The following CDH18 variants were observed in gnomAD, a reference collection of about 807,000 sequenced individuals.
CDH18 encodes cadherin 18, also known as cadherin-18.
A neutral mutation model predicts 67.9 loss-of-function variants in CDH18; 31 were observed. The ratio of observed to expected loss-of-function variants is 0.46; its 90% confidence interval spans 0.34 to 0.62. The LOEUF is 0.62. CDH18 is among the 20% of genes least tolerant of loss of function. The pLI is 0.01. For missense variants in CDH18, 890 were observed against 975.5 expected, an observed-to-expected ratio of 0.91 and a Z score of 1.17; for synonymous variants, 362 against 347.2, an observed-to-expected ratio of 1.04 and a Z score of -0.48.
intron 3 of CDH18, among the ~76,000 whole-genome samples, chr5:19,768,057 C>T (rs1032451182): frequency 1.3e-5 from 2 of 152,128 alleles, no homozygotes; most frequent in African/African-American, 4.8e-5. Context: ...AGCCTGGTAG[C>T]CACTGGAGGG....
At chr5:19,648,392 G>A (rs1016227859) in intron 5 of CDH18, among the ~76,000 whole-genome samples, 2 of 151,992 alleles carry the variant, frequency 1.3e-5, no homozygotes, top group African/African-American at 4.8e-5. Flanking sequence ...TCCAGCCTGG[G>A]CAACAGAGCA....
chr5:20,333,806 A>G lies in CDH18; in HGVS notation c.-579-78301T>C, dbSNP rs115777773. The stretch of plus-strand genomic sequence containing the variant: ...GCATTATCTTTTCTAGCCCAGCAGC[A>G]TCTTACTGGAGGCATCACTTTGTAA... On this transcript the variant is annotated intron_variant, in intron 1 of 14. Coordinates refer to the CDH18 transcript ENST00000507958. Among the ~76,000 whole-genome samples the G allele has an allele frequency of 7.3e-3, 1,116 of 152,244 alleles. 11 individuals carry two copies. The highest frequency in any genetic ancestry group is 0.025 in the African/African-American group (1,052 of 41,558).
intron 2 of CDH18, among the ~76,000 whole-genome samples, chr5:19,842,817 G>C (rs1055597039): frequency 1.3e-5 from 2 of 152,096 alleles, no homozygotes; most frequent in Non-Finnish European, 2.9e-5. Context: ...ATAATGATGT[G>C]GACAACGAAG....
At position 19,846,184 on chromosome 5, in the gene CDH18, A is replaced by AT. The variant is rs536167000; in HGVS notation, c.-256-6943dup. On this transcript the variant is annotated intron_variant, in intron 2 of 12. Transcript: ENST00000382275. ...TTATTCATGTGTCTTCCACAGTATCATTTTTTGTGCATACAATGGGACTTA... is the reference window on the plus strand; with the variant it reads ...TTATTCATGTGTCTTCCACAGTATCATTTTTTTGTGCATACAATGGGACTTA... Among the ~76,000 whole-genome samples, 260 of 151,842 alleles carry AT rather than the reference A, an allele frequency of 1.7e-3. 3 individuals are homozygous for AT. Among genetic ancestry groups the AT allele is most frequent in the African/African-American group, 5.2e-3 (215 of 41,444 alleles).
intron 1 of CDH18, among the ~76,000 whole-genome samples, chr5:20,275,606 C>T (rs1745750521): frequency 6.6e-6 from 1 of 152,090 alleles, no homozygotes; most frequent in Non-Finnish European, 1.5e-5. Context: ...GTTCTGAGTA[C>T]ATTAAGAATC....
At chr5:20,563,160 A>G (rs993899374) in intron 1 of CDH18, among the ~76,000 whole-genome samples, 2 of 152,036 alleles carry the variant, frequency 1.3e-5, no homozygotes, top group African/African-American at 4.8e-5. Flanking sequence ...TCTGCAACAA[A>G]TAATATATTT....
At chr5:19,528,657 G>C (rs1161449366) in intron 9 of CDH18, among the ~76,000 whole-genome samples, 2 of 151,850 alleles carry the variant, frequency 1.3e-5, no homozygotes, top group Non-Finnish European at 2.9e-5. Context: ...AACACACTGA[G>C]TTATTTATGA....
intron 1 of CDH18, among the ~76,000 whole-genome samples, chr5:20,364,101 T>C (rs758040839): frequency 5.3e-5 from 8 of 152,228 alleles, no homozygotes; most frequent in African/African-American, 9.6e-5. Flanking sequence ...GAGATGCTTT[T>C]ATTATCGTTA....
chr5:20,419,538 A>C (rs1256829008), intron 1 of CDH18, among the ~76,000 whole-genome samples: 3 of 136,640 alleles, frequency 2.2e-5, no homozygotes, highest in African/African-American at 8.7e-5. Flanking sequence ...TGCAGTGGCA[A>C]GATCTCGGCT....
At chr5:20,173,460 G>T (rs776432947) in intron 2 of CDH18, among the ~76,000 whole-genome samples, 3 of 152,146 alleles carry the variant, frequency 2.0e-5, no homozygotes, top group Admixed American at 6.6e-5. Context: ...AATCTAGATG[G>T]CAGGTTTGAA....
At chr5:20,531,637 A>G (rs915498263) in intron 1 of CDH18, among the ~76,000 whole-genome samples, 1 of 151,372 alleles carries the variant, frequency 6.6e-6, no homozygotes, top group Non-Finnish European at 1.5e-5. Context: ...CTAACACAGG[A>G]ACACAAAACC....
At chr5:20,400,047 T>C (rs1200003120) in intron 1 of CDH18, among the ~76,000 whole-genome samples, 1 of 152,210 alleles carries the variant, frequency 6.6e-6, no homozygotes, top group East Asian at 1.9e-4. Context: ...GTATTTATCA[T>C]AGAAAACCTG....
chr5:19,666,798 A>C (rs1315362489), intron 5 of CDH18, among the ~76,000 whole-genome samples: 5 of 152,132 alleles, frequency 3.3e-5, no homozygotes, highest in Non-Finnish European at 2.9e-5. Flanking sequence ...GTGAGTGCAC[A>C]AACTGGGAAA....
intron 1 of CDH18, among the ~76,000 whole-genome samples, chr5:20,294,199 C>A (rs1747316162): frequency 6.6e-6 from 1 of 152,186 alleles, no homozygotes; most frequent in Non-Finnish European, 1.5e-5. Flanking sequence ...ACTTCTTCAT[C>A]CTCTTAATTA....
At chr5:19,637,126 T>TTCTTTC (rs1055180682) in intron 5 of CDH18, among the ~76,000 whole-genome samples, 5 of 151,900 alleles carry the variant, frequency 3.3e-5, no homozygotes, top group African/African-American at 7.3e-5. Context: ...GTTTTCCTTT[T>TTCTTTC]TCTTTCTCTT....
At chr5:20,424,742 G>A in intron 1 of CDH18, among the ~76,000 whole-genome samples, 1 of 41,504 alleles carries the variant, frequency 2.4e-5, no homozygotes, top group Non-Finnish European at 5.2e-5. Flanking sequence ...GCAAGACTCT[G>A]TCTAAAAAAA....
chr5:19,941,469 G>A (rs935853401), intron 2 of CDH18, among the ~76,000 whole-genome samples: 1 of 151,966 alleles, frequency 6.6e-6, no homozygotes, highest in African/African-American at 2.4e-5. Context: ...ACTCTGTACT[G>A]TTTGCTAATT....
chr5:19,867,499 A>G (rs1280545725), intron 2 of CDH18, among the ~76,000 whole-genome samples: 1 of 152,228 alleles, frequency 6.6e-6, no homozygotes, highest in Non-Finnish European at 1.5e-5. Context: ...CATTTGCTAC[A>G]TACTTCAAAG....
chr5:19,612,545 C>T lies in CDH18; in HGVS notation c.700G>A (p.Val234Ile), dbSNP rs368942671. 62 of 1,613,790 alleles carry T rather than the reference C, an allele frequency of 3.8e-5. No individual in the cohort carries two copies. The highest frequency in any genetic ancestry group is 1.0e-4 in the Admixed American group (6 of 59,986). The change falls in exon 6 of 13, where the codon GTA (valine) becomes ATA (isoleucine). Residue 234 changes from valine (V) to isoleucine (I), a missense_variant. Val to Ile is a conservative substitution (Grantham distance 29). Coordinates refer to ENST00000382275, the MANE Select transcript of CDH18 (RefSeq NM_004934.5). Reference sequence around the variant, plus strand: ...GCCATGTCTTTGGCTTGAATGACTACGGAGTAATGTTCTCTGGCTTCTCTG... The same window carrying T: ...GCCATGTCTTTGGCTTGAATGACTATGGAGTAATGTTCTCTGGCTTCTCTG... ...MDREAREHYS[V>I]VIQAKDMAGQ...
Sources: allele counts gnomAD v4.1 joint callset (sites outside exome capture counted in the v4.1 genomes callset), GRCh38; gene constraint gnomAD v4.1.1; transcripts MANE v1.5; gene names NCBI Gene and HGNC (gene_info 2026-07-23, HGNC 2026-07-21).